SLC6A11: variants seen among roughly 807,000 people sequenced by gnomAD.
The protein encoded by SLC6A11 is sodium- and chloride-dependent GABA transporter 3.
SLC6A11 carries 25 observed loss-of-function variants against 74.8 expected under a neutral mutation model. That is an observed-to-expected ratio of 0.33 (90% CI 0.24 to 0.47). SLC6A11 has a LOEUF of 0.47. Among genes scored for constraint, SLC6A11 ranks in the 20% least tolerant of loss-of-function variants. The pLI is 1.00. For synonymous variants in SLC6A11, 330 were observed against 330.2 expected (o/e 1.00, Z 0.01); for missense variants, 574 against 837.0 (o/e 0.69, Z 3.88).
chr3:10,881,843 C>T (rs560651681), intron 6 of SLC6A11, among the ~76,000 whole-genome samples: 16 of 152,306 alleles, frequency 1.1e-4, no homozygotes, highest in South Asian at 4.1e-4. Flanking sequence ...CCAGGATCTC[C>T]ATTAATTCCA....
chr3:10,915,632 C>T lies in SLC6A11; in HGVS notation c.996-2697C>T, dbSNP rs1431688190. Among the ~76,000 whole-genome samples the T allele has an allele frequency of 6.6e-6, 1 of 152,054 alleles. No individual in the cohort carries two copies. The highest frequency in any genetic ancestry group is 1.5e-5 in the Non-Finnish European group (1 of 68,012). On this transcript the variant is annotated intron_variant, in intron 7 of 13. Coordinates refer to ENST00000254488, the MANE Select transcript of SLC6A11 (RefSeq NM_014229.3). This position sits in a 1 kb window ranked among gnomAD's most constrained non-coding sequence, Gnocchi z 4.3. ...GCGAGCCAGGCAGGGAAAATCCTCA[C>T]TTCCGAAGACACCACTAAGCCCTGT...
chr3:10,848,678 C>T (rs542738869), intron 5 of SLC6A11, among the ~76,000 whole-genome samples: 40 of 152,264 alleles, frequency 2.6e-4, no homozygotes, highest in African/African-American at 7.7e-4. Context: ...GCCTTGTCTC[C>T]GCAGAGCATG....
At chr3:10,842,044 T>C (rs1694445156) in intron 4 of SLC6A11, among the ~76,000 whole-genome samples, 1 of 152,174 alleles carries the variant, frequency 6.6e-6, no homozygotes, top group Admixed American at 6.5e-5. Flanking sequence ...GGTGGCCGTG[T>C]GTAAGGCAGG....
rs1695444628 is a variant in SLC6A11, at chr3:10,915,655, T to C, written c.996-2674T>C. Among the ~76,000 whole-genome samples the C allele has an allele frequency of 6.6e-6, 1 of 152,126 alleles. No individual in the cohort carries two copies. Among genetic ancestry groups the C allele is most frequent in the East Asian group, 1.9e-4 (1 of 5,144 alleles). ...CACTTCCGAAGACACCACTAAGCCC[T>C]GTCTGCTTGAAGGGGTGGGTGTTCT... On this transcript the variant is annotated intron_variant, in intron 7 of 13. Coordinates refer to ENST00000254488, the MANE Select transcript of SLC6A11 (RefSeq NM_014229.3). The surrounding 1 kb of genome is among the most constrained non-coding windows in gnomAD (Gnocchi z 4.3).
chr3:10,845,857 T>C, intron 5 of SLC6A11, among the ~76,000 whole-genome samples: 1 of 152,240 alleles, frequency 6.6e-6, no homozygotes, highest in Non-Finnish European at 1.5e-5. Flanking sequence ...GTGTCATTAT[T>C]GATCTACTTC....
chr3:10,899,467 G>C (rs1695211214), intron 6 of SLC6A11, among the ~76,000 whole-genome samples: 1 of 152,178 alleles, frequency 6.6e-6, no homozygotes, highest in South Asian at 2.1e-4. Context: ...TCCTACTTGG[G>C]AACTTTGAGT....
rs114615102 is a variant in SLC6A11 at position 10,866,279 on chromosome 3, T to C, written c.757-8682T>C. Among the ~76,000 whole-genome samples, 172 of 152,334 alleles carry C rather than the reference T, an allele frequency of 1.1e-3. 1 individual carries two copies. Among genetic ancestry groups the C allele is most frequent in the African/African-American group, 3.8e-3 (160 of 41,586 alleles). On this transcript the variant is annotated intron_variant, in intron 5 of 13. Coordinates refer to ENST00000254488, the MANE Select transcript of SLC6A11 (RefSeq NM_014229.3). ...TGGAAGCTGTACCTGGCACCTTCAT[T>C]TCTATCTTGTTGGCCAGAACATAGA...
rs541427852 is a variant in SLC6A11 at position 10,868,095 on chromosome 3, A to G, written c.757-6866A>G. ...GGCCAAAAAATACTGGGAAGATGCT[A>G]TGAATGATTGAAGTTTGGATTAGTC... On this transcript the variant is annotated intron_variant, in intron 5 of 13. Coordinates refer to ENST00000254488, the MANE Select transcript of SLC6A11 (RefSeq NM_014229.3). Among the ~76,000 whole-genome samples the G allele has an allele frequency of 9.2e-5, 14 of 152,360 alleles. No individual in the cohort carries two copies. In the East Asian group the frequency reaches 1.9e-3, roughly 21 times the overall value.
chr3:10,889,562 G>A (rs538679390), intron 6 of SLC6A11, among the ~76,000 whole-genome samples: 1 of 152,312 alleles, frequency 6.6e-6, no homozygotes, highest in South Asian at 2.1e-4. Context: ...TTTCAGAGGA[G>A]CTTCTGTCTC....
chr3:10,896,841 A>G (rs1695177120), intron 6 of SLC6A11, among the ~76,000 whole-genome samples: 1 of 152,202 alleles, frequency 6.6e-6, no homozygotes, highest in Non-Finnish European at 1.5e-5. Context: ...AGAAAGCCCC[A>G]AACACCTTTT....
intron 3 of SLC6A11, among the ~76,000 whole-genome samples, chr3:10,820,998 G>C (rs769132465): frequency 5.3e-5 from 8 of 152,174 alleles, no homozygotes; most frequent in African/African-American, 9.7e-5. Context: ...CTGCAGTCTG[G>C]CTTCTAGCCC....
intron 5 of SLC6A11, among the ~76,000 whole-genome samples, chr3:10,857,798 C>G (rs568450013): frequency 1.6e-4 from 24 of 152,292 alleles, no homozygotes; most frequent in African/African-American, 5.8e-4. Flanking sequence ...CATAAATAAT[C>G]TGCCTGCACA....
At chr3:10,912,765 A>G (rs1018367255) in intron 7 of SLC6A11, among the ~76,000 whole-genome samples, 3 of 152,046 alleles carry the variant, frequency 2.0e-5, no homozygotes, top group African/African-American at 7.2e-5. Flanking sequence ...TGAGTTCTAC[A>G]GCAAGGCTGA....
Position 10,844,494 on chromosome 3 carries a change from C to G in SLC6A11, c.756+148C>G, listed in dbSNP as rs79728400. 1,519 of 888,370 alleles carry G rather than the reference C, an allele frequency of 1.7e-3. 69 individuals carry two copies. The East Asian group carries it at 0.04, about 23-fold the overall frequency. The allele number at this position is 888,370 out of a possible 1,614,324, so 55.0% of individuals were successfully genotyped here. A position where few individuals can be genotyped will look rare whatever the true frequency, so the allele number is the denominator to read the frequency against. On this transcript the variant is annotated intron_variant, in intron 5 of 13. Transcript: ENST00000254488. ...ACACTGGACCAGAGTGAGCTCTACC[C>G]ACCCTCACCACTTATTGGCCGCCCA...
intron 11 of SLC6A11, among the ~76,000 whole-genome samples, chr3:10,933,693 G>C (rs1184694017): frequency 6.6e-6 from 1 of 152,170 alleles, no homozygotes; most frequent in East Asian, 1.9e-4. Flanking sequence ...AGTGTGGCTT[G>C]GGAATGGATG....
At chr3:10,923,182 C>G (rs1204337501) in intron 8 of SLC6A11, among the ~76,000 whole-genome samples, 1 of 150,088 alleles carries the variant, frequency 6.7e-6, no homozygotes, top group Non-Finnish European at 1.5e-5. Flanking sequence ...GGCCTAAAAG[C>G]AATAATACTC....
At position 10,935,072 on chromosome 3, in the gene SLC6A11, A is replaced by G. The variant is rs1695741620; in HGVS notation, c.1619A>G (p.Tyr540Cys). ...FFLIKYKPLK[Y>C]NNIYTYPAWG... ...TTGATCAAGTACAAGCCACTCAAGT[A>G]CAACAACATCTACACCTACCCAGCC... The change falls in exon 13 of 14, where the codon TAC (tyrosine) becomes TGC (cysteine). Residue 540 changes from tyrosine (Y) to cysteine (C), a missense_variant. By Grantham distance (194) the Tyr-to-Cys change is radical (BLOSUM62 -2). Around this residue, in one of 4 missense-constraint regions of SLC6A11, gnomAD observed 257 missense variants for 341.5 expected, o/e 0.75. Coordinates refer to ENST00000254488, the MANE Select transcript of SLC6A11 (RefSeq NM_014229.3). 6.2e-7 allele frequency: 1 copy of G among 1,613,760 alleles called. No individual in the cohort carries two copies. Among genetic ancestry groups the G allele is most frequent in the South Asian group, 1.1e-5 (1 of 91,050 alleles).
intron 9 of SLC6A11, among the ~76,000 whole-genome samples, chr3:10,927,188 G>A (rs78689111): frequency 0.02 from 3,004 of 152,312 alleles, 114 homozygotes; most frequent in African/African-American, 0.068. Context: ...GGGTGTTTCT[G>A]CTGATAATCT....
intron 8 of SLC6A11, among the ~76,000 whole-genome samples, chr3:10,922,671 C>T (rs1338467812): frequency 1.3e-5 from 2 of 152,052 alleles, no homozygotes; most frequent in East Asian, 1.9e-4. Context: ...TTTATTAGCT[C>T]TGAGTCTTGG....
Sources: allele counts gnomAD v4.1 joint callset (sites outside exome capture counted in the v4.1 genomes callset), GRCh38; gene constraint gnomAD v4.1.1; regional missense constraint gnomAD v4.1.1; non-coding constraint Gnocchi (gnomAD v3.1); transcripts MANE v1.5; gene names NCBI Gene and HGNC (gene_info 2026-07-23, HGNC 2026-07-21).